The following GLRA3 variants were observed in gnomAD, a reference collection of about 807,000 sequenced individuals.
The protein encoded by GLRA3 is glycine receptor alpha 3.
A neutral mutation model predicts 60.4 loss-of-function variants in GLRA3; 44 were observed. The observed-to-expected ratio is 0.73, with a 90% CI of 0.57 to 0.94. The LOEUF is 0.94. Ranked by LOEUF, GLRA3 falls within the 40% of genes least tolerant of loss-of-function variation. GLRA3 has a pLI of 0.00. For synonymous variants in GLRA3, 223 were observed against 192.9 expected (o/e 1.16, Z -1.29); for missense variants, 508 against 564.6 (o/e 0.90, Z 1.02).
chr4:174,727,357 G>C (rs969334723), intron 4 of GLRA3, among the ~76,000 whole-genome samples: 10 of 152,190 alleles, frequency 6.6e-5, no homozygotes, highest in Non-Finnish European at 1.2e-4. Flanking sequence ...GAGAAGGAAA[G>C]TTTACAAAAG....
intron 3 of GLRA3, among the ~76,000 whole-genome samples, chr4:174,741,511 T>A (rs1292210155): frequency 6.6e-6 from 1 of 152,144 alleles, no homozygotes; most frequent in Non-Finnish European, 1.5e-5. Context: ...TTGGCAAACT[T>A]GTTTTTTCAC....
intron 3 of GLRA3, among the ~76,000 whole-genome samples, chr4:174,747,638 G>A (rs763674336): frequency 4.5e-4 from 69 of 152,082 alleles, no homozygotes; most frequent in Admixed American, 8.5e-4. Flanking sequence ...AAATATTTGC[G>A]GGGTAGAATT....
intron 1 of GLRA3, among the ~76,000 whole-genome samples, chr4:174,790,390 T>TTTA (rs1554021708): frequency 3.3e-5 from 5 of 151,812 alleles, no homozygotes; most frequent in African/African-American, 1.2e-4. Context: ...TATATTTTTT[T>TTTA]AAAAAAACCT....
At chr4:174,728,742 T>C in intron 3 of GLRA3, 44 bp from the exon 4 acceptor site, 6 of 1,242,782 alleles carry the variant, frequency 4.8e-6, no homozygotes, top group Non-Finnish European at 6.9e-6. Context: ...AACCCTGCTT[T>C]AAAAAGTTTA....
At chr4:174,692,292 A>T (rs1467534233) in intron 5 of GLRA3, among the ~76,000 whole-genome samples, 3 of 143,674 alleles carry the variant, frequency 2.1e-5, no homozygotes, top group Non-Finnish European at 4.6e-5. Flanking sequence ...CCACCCGGCC[A>T]GCCGCCCCGT....
intron 6 of GLRA3, among the ~76,000 whole-genome samples, chr4:174,681,459 T>G (rs993495489): frequency 6.6e-6 from 1 of 152,148 alleles, no homozygotes; most frequent in Admixed American, 6.6e-5. Flanking sequence ...CCAACATTAC[T>G]TATGTCCTTA....
rs28579584 is a variant in GLRA3 at position 174,669,950 on chromosome 4, T to C, written c.927+7128A>G. 9.6e-3 allele frequency among the ~76,000 whole-genome samples: 1,455 copies of C among 152,294 alleles called. 17 individuals carry two copies. The highest frequency in any genetic ancestry group is 0.056 in the South Asian group (271 of 4,826). On this transcript the variant is annotated intron_variant, in intron 7 of 9. Transcript: ENST00000274093. ...CTTCATTGTTTCCAAAGAGGTGAAT[T>C]TAACCAATACTTTCGTCACCAGACA...
chr4:174,679,374 T>C (rs1734252973), intron 6 of GLRA3, among the ~76,000 whole-genome samples: 1 of 151,704 alleles, frequency 6.6e-6, no homozygotes, highest in Non-Finnish European at 1.5e-5. Context: ...CCCAATGAAA[T>C]AACTATTATC....
intron 4 of GLRA3, among the ~76,000 whole-genome samples, chr4:174,725,041 G>A (rs1244833283): frequency 6.6e-6 from 1 of 152,170 alleles, no homozygotes; most frequent in Non-Finnish European, 1.5e-5. Context: ...GCAGGCTCAC[G>A]CCATTTGCAA....
At chr4:174,822,182 T>C (rs1740766153) in intron 1 of GLRA3, among the ~76,000 whole-genome samples, 1 of 152,238 alleles carries the variant, frequency 6.6e-6, no homozygotes, top group Non-Finnish European at 1.5e-5. Flanking sequence ...TCCCCAGTAC[T>C]TAACACACTG....
chr4:174,729,606 G>T (rs1736477265), intron 3 of GLRA3, among the ~76,000 whole-genome samples: 1 of 152,138 alleles, frequency 6.6e-6, no homozygotes, highest in Non-Finnish European at 1.5e-5. Flanking sequence ...GACAAATGTT[G>T]ACAGCTGAGT....
In GLRA3 at chr4:174,673,319, T is replaced by G. The variant is rs6833589; in HGVS notation, c.927+3759A>C. 8.9e-3 allele frequency among the ~76,000 whole-genome samples: 1,361 copies of G among 152,258 alleles called. 20 individuals are homozygous for G. Among genetic ancestry groups the G allele is most frequent in the African/African-American group, 0.031 (1,269 of 41,556 alleles). On this transcript the variant is annotated intron_variant, in intron 7 of 9. Coordinates refer to ENST00000274093, the MANE Select transcript of GLRA3 (RefSeq NM_006529.4). The stretch of plus-strand genomic sequence containing the variant: ...TATTCTTACCCATCCCCATACTTAA[T>G]TCCTTCAGTGCCAAGGTCTTAACTG...
At chr4:174,733,959 A>G (rs1261619943) in intron 3 of GLRA3, among the ~76,000 whole-genome samples, 1 of 152,222 alleles carries the variant, frequency 6.6e-6, no homozygotes, top group Non-Finnish European at 1.5e-5. Context: ...ATCTTTTTGA[A>G]CTGATTTGCA....
At chr4:174,799,607 AG>A (rs1299071308) in intron 1 of GLRA3, among the ~76,000 whole-genome samples, 1 of 152,252 alleles carries the variant, frequency 6.6e-6, no homozygotes, top group Non-Finnish European at 1.5e-5. Context: ...ACAACTTTTA[AG>A]AATTCAACTT....
rs953628310 is a variant in GLRA3 at position 174,639,283 on chromosome 4, A to G, written c.*4503T>C. Reference sequence around the variant, plus strand: ...CAGGAATCACTTAATATTGCAAAACATATCACAGGATTATGAACCTTTGTC... The same window carrying G: ...CAGGAATCACTTAATATTGCAAAACGTATCACAGGATTATGAACCTTTGTC... On this transcript the variant is annotated 3_prime_UTR_variant, in exon 10 of 10. Transcript: ENST00000274093. 8 of 152,132 alleles carry G rather than the reference A, an allele frequency of 5.3e-5. No homozygotes were observed. The highest frequency in any genetic ancestry group is 1.0e-4 in the Non-Finnish European group (7 of 68,014). 9.4% of individuals were successfully genotyped at this position (152,132 alleles called of 1,614,324 possible).
chr4:174,750,765 A>T (rs1292026072), intron 3 of GLRA3, among the ~76,000 whole-genome samples: 1 of 152,098 alleles, frequency 6.6e-6, no homozygotes, highest in Non-Finnish European at 1.5e-5. Context: ...CTTTGACTGC[A>T]GATGGTTGCT....
intron 7 of GLRA3, among the ~76,000 whole-genome samples, chr4:174,662,317 T>C (rs933527736): frequency 3.3e-5 from 5 of 152,210 alleles, no homozygotes; most frequent in Admixed American, 6.5e-5. Flanking sequence ...CCATCTTTCA[T>C]TGGAAATGGA....
rs966306979 is a variant in GLRA3 at position 174,758,046 on chromosome 4, A to G, written c.267+8917T>C. 2.0e-5 allele frequency among the ~76,000 whole-genome samples: 3 copies of G among 151,972 alleles called. No individual in the cohort carries two copies. The East Asian group carries it at 5.8e-4, about 29-fold the overall frequency. On this transcript the variant is annotated intron_variant, in intron 3 of 9. Transcript: ENST00000274093. Reference sequence around the variant, plus strand: ...TCTTTTCCTGTACTCTCGTCCTGTAATCTCCTCATGCTGGCTCCTGTTCCC... The same window carrying G: ...TCTTTTCCTGTACTCTCGTCCTGTAGTCTCCTCATGCTGGCTCCTGTTCCC...
chr4:174,692,241 C>T (rs1313168448), intron 5 of GLRA3, among the ~76,000 whole-genome samples: 1 of 150,324 alleles, frequency 6.7e-6, no homozygotes, highest in South Asian at 2.2e-4. Flanking sequence ...CCCCGCCAGG[C>T]CAGCCGCCCC....
Sources: allele counts gnomAD v4.1 joint callset (sites outside exome capture counted in the v4.1 genomes callset), GRCh38; gene constraint gnomAD v4.1.1; transcripts MANE v1.5; gene names NCBI Gene and HGNC (gene_info 2026-07-23, HGNC 2026-07-21).